The following MCTP2 variants were observed in gnomAD, a reference collection of about 807,000 sequenced individuals.
The protein encoded by MCTP2 is multiple C2 and transmembrane domain-containing protein 2.
A neutral mutation model predicts 111.6 loss-of-function variants in MCTP2; 132 were observed. The observed-to-expected ratio is 1.18, with a 90% confidence interval of 1.03 to 1.37. The LOEUF is 1.37. MCTP2 is among the 40% of genes most tolerant of loss of function. MCTP2 has a pLI of 0.00. For synonymous variants in MCTP2, 395 were observed against 387.7 expected (o/e 1.02, Z -0.22); for missense variants, 1,183 against 1,067.9 (o/e 1.11, Z -1.50).
At chr15:94,429,382 A>G (rs1331689715) in intron 17 of MCTP2, among the ~76,000 whole-genome samples, 1 of 152,078 alleles carries the variant, frequency 6.6e-6, no homozygotes, top group Admixed American at 6.6e-5. Flanking sequence ...AACCCTTTCA[A>G]AGAGTTATGT....
intron 1 of MCTP2, among the ~76,000 whole-genome samples, chr15:94,280,932 A>G (rs1467121082): frequency 1.3e-5 from 2 of 151,642 alleles, no homozygotes; most frequent in Non-Finnish European, 3.0e-5. Flanking sequence ...TTTTGTTTTT[A>G]TTGAGAGTGT....
chr15:94,404,588 C>T (rs926981167), intron 17 of MCTP2, among the ~76,000 whole-genome samples: 11 of 152,134 alleles, frequency 7.2e-5, no homozygotes, highest in East Asian at 5.8e-4. Context: ...CTTGAGCCAC[C>T]GCACCTGGCC....
intron 1 of MCTP2, among the ~76,000 whole-genome samples, chr15:94,250,716 A>G (rs2072355561): frequency 6.6e-6 from 1 of 152,226 alleles, no homozygotes; most frequent in Non-Finnish European, 1.5e-5. Flanking sequence ...ATTAAGAGAA[A>G]TGTGGCCTGA....
intron 1 of MCTP2, among the ~76,000 whole-genome samples, chr15:94,271,174 A>G (rs1188791272): frequency 6.6e-6 from 1 of 152,150 alleles, no homozygotes; most frequent in African/African-American, 2.4e-5. Context: ...TACTAGTTAC[A>G]TAGATTTAAA....
At chr15:94,363,289 T>G (rs1290933824) in intron 10 of MCTP2, among the ~76,000 whole-genome samples, 2 of 152,124 alleles carry the variant, frequency 1.3e-5, no homozygotes, top group African/African-American at 2.4e-5. Flanking sequence ...TGGGCACTGA[T>G]GAGCCTCGGG....
intron 1 of MCTP2, among the ~76,000 whole-genome samples, chr15:94,246,088 G>A (rs555002245): frequency 6.6e-6 from 1 of 152,164 alleles, no homozygotes; most frequent in African/African-American, 2.4e-5. Flanking sequence ...CTTGGGGAGA[G>A]GTCGTCACTT....
intron 20 of MCTP2, among the ~76,000 whole-genome samples, chr15:94,459,127 T>G (rs551726940): frequency 6.6e-6 from 1 of 152,366 alleles, no homozygotes; most frequent in South Asian, 2.1e-4. Flanking sequence ...TCCTTTGAAT[T>G]ATTAACTTAT....
chr15:94,232,464 C>T (rs2070248421), intron 1 of MCTP2, among the ~76,000 whole-genome samples: 1 of 152,164 alleles, frequency 6.6e-6, no homozygotes. Context: ...AGAACACTTG[C>T]TTCAGGACGC....
intron 18 of MCTP2, among the ~76,000 whole-genome samples, 171 bp downstream of exon 18, chr15:94,440,469 C>G (rs1596718733): frequency 6.6e-6 from 1 of 152,196 alleles, no homozygotes; most frequent in African/African-American, 2.4e-5. Flanking sequence ...AATCTGGAGT[C>G]TTCTTTCTGT....
chr15:94,370,053 C>A, intron 11 of MCTP2, 34 bp from the exon 12 acceptor site: 1 of 1,471,502 alleles, frequency 6.8e-7, no homozygotes, highest in Non-Finnish European at 9.4e-7. Flanking sequence ...TATTAAAAAG[C>A]TGTTTTCACT....
chr15:94,358,581 G>T lies in MCTP2; in HGVS notation c.1270G>T (p.Asp424Tyr). The T allele has an allele frequency of 6.2e-7, 1 of 1,613,690 alleles. No homozygotes were observed. Among genetic ancestry groups the T allele is most frequent in the South Asian group, 1.1e-5 (1 of 91,078 alleles). Reference protein sequence around the residue: ...GILDIEVWGKDNKKHEERLGT... With the variant: ...GILDIEVWGKYNKKHEERLGT... The stretch of plus-strand genomic sequence containing the variant: ...TTTGGACATTGAAGTGTGGGGAAAG[G>T]ACAACAAAAAGCATGAGGAACGTCT... The change falls in exon 10 of 23, where the codon GAC becomes TAC. Residue 424 changes from aspartate (D) to tyrosine (Y), a missense_variant. Asp to Tyr is a radical substitution (Grantham distance 160). Coordinates refer to ENST00000357742, the MANE Select transcript of MCTP2 (RefSeq NM_001385001.1).
At chr15:94,239,969 A>G (rs1017881063) in intron 1 of MCTP2, among the ~76,000 whole-genome samples, 3 of 152,152 alleles carry the variant, frequency 2.0e-5, no homozygotes, top group Non-Finnish European at 2.9e-5. Context: ...GCCACGTGTC[A>G]GTTTCAAGCA....
chr15:94,411,987 C>T (rs9635409), intron 17 of MCTP2, among the ~76,000 whole-genome samples: 22,763 of 152,034 alleles, frequency 0.15, 1,765 homozygotes, highest in East Asian at 0.26. Flanking sequence ...AAACCCAAAA[C>T]AAAACAGAAA....
intron 17 of MCTP2, among the ~76,000 whole-genome samples, chr15:94,409,235 A>G (rs1390720838): frequency 6.6e-6 from 1 of 152,102 alleles, no homozygotes; most frequent in East Asian, 1.9e-4. Context: ...CTCCCAGCCT[A>G]CATCTTTCTC....
intron 14 of MCTP2, among the ~76,000 whole-genome samples, chr15:94,390,729 T>TTTC (rs1555465059): frequency 3.9e-5 from 5 of 128,120 alleles, no homozygotes; most frequent in African/African-American, 1.2e-4. Flanking sequence ...TCTTTTCTTT[T>TTTC]TTTTTTTTTT....
At chr15:94,377,563 G>A (rs777490917) in intron 12 of MCTP2, among the ~76,000 whole-genome samples, 2 of 152,112 alleles carry the variant, frequency 1.3e-5, no homozygotes, top group Non-Finnish European at 2.9e-5. Flanking sequence ...CAGAGGAATC[G>A]CTTCCATATT....
intron 8 of MCTP2, among the ~76,000 whole-genome samples, chr15:94,354,801 A>G (rs1217983031): frequency 1.3e-5 from 2 of 152,344 alleles, no homozygotes; most frequent in African/African-American, 2.4e-5. Flanking sequence ...AAGCTGGGCT[A>G]TAATGACTAT....
chr15:94,301,509 G>C (rs937054725), intron 2 of MCTP2, among the ~76,000 whole-genome samples: 1 of 152,234 alleles, frequency 6.6e-6, no homozygotes, highest in Non-Finnish European at 1.5e-5. Context: ...TGTTGATTTG[G>C]AGGATTGGCA....
chr15:94,397,808 C>T (rs1296644121), intron 14 of MCTP2, among the ~76,000 whole-genome samples: 1 of 152,180 alleles, frequency 6.6e-6, no homozygotes, highest in Non-Finnish European at 1.5e-5. Context: ...AAATTTCATG[C>T]TGTTAGATTT....
Sources: allele counts gnomAD v4.1 joint callset (sites outside exome capture counted in the v4.1 genomes callset), GRCh38; gene constraint gnomAD v4.1.1; transcripts MANE v1.5; gene names NCBI Gene and HGNC (gene_info 2026-07-23, HGNC 2026-07-21).